IGF2R: variants seen among roughly 807,000 people sequenced by gnomAD.
IGF2R encodes the protein insulin like growth factor 2 receptor.
IGF2R carries 91 observed loss-of-function variants against 270.6 expected under a neutral mutation model. The ratio of observed to expected loss-of-function variants is 0.34; its 90% confidence interval spans 0.28 to 0.40. IGF2R has a LOEUF of 0.40. Among genes scored for constraint, IGF2R ranks in the 10% least tolerant of loss-of-function variants. IGF2R has a pLI of 1.00. For missense variants in IGF2R, 2,805 were observed against 3,188.3 expected, an observed-to-expected ratio of 0.88 and a Z score of 2.90; for synonymous variants, 1,316 against 1,258.9, an observed-to-expected ratio of 1.05 and a Z score of -0.96.
At chr6:160,013,876 T>C (rs1189412770) in intron 4 of IGF2R, among the ~76,000 whole-genome samples, 1 of 152,218 alleles carries the variant, frequency 6.6e-6, no homozygotes, top group East Asian at 1.9e-4. Context: ...TGATTACACC[T>C]TACAGGCTTG....
chr6:160,047,844 C>A lies in IGF2R; in HGVS notation c.2282C>A (p.Pro761Gln), dbSNP rs201251256. The A allele has an allele frequency of 6.2e-7, 1 of 1,614,168 alleles. No individual in the cohort carries two copies. Among genetic ancestry groups the A allele is most frequent in the Non-Finnish European group, 8.5e-7 (1 of 1,179,990 alleles). The change falls in exon 17 of 48, where the codon CCG (proline) becomes CAG (glutamine). Residue 761 changes from proline to glutamine, a missense_variant. By Grantham distance (76) the Pro-to-Gln change is moderately conservative. Coordinates refer to ENST00000356956, the MANE Select transcript of IGF2R (RefSeq NM_000876.4). The part of the protein sequence containing the change: ...NFRWYTSYAC[P>Q]EEPLECVVTD... Reference sequence around the variant, plus strand: ...CGGTGGTACACCAGCTATGCCTGCCCGGAGGAGCCCCTGGAATGCGTAGTG... The same window carrying A: ...CGGTGGTACACCAGCTATGCCTGCCAGGAGGAGCCCCTGGAATGCGTAGTG...
At chr6:159,983,341 A>G (rs1783834350) in intron 1 of IGF2R, among the ~76,000 whole-genome samples, 1 of 152,174 alleles carries the variant, frequency 6.6e-6, no homozygotes, top group African/African-American at 2.4e-5. Context: ...CTAATTGGTA[A>G]TCTGCCAACA....
intron 17 of IGF2R, 102 bp downstream of exon 17, chr6:160,048,009 T>A: frequency 1.2e-6 from 1 of 816,080 alleles, no homozygotes; most frequent in Non-Finnish European, 2.1e-6. Flanking sequence ...GGAGTGATGC[T>A]GGCTGTGGGG....
intron 36 of IGF2R, 78 bp from the exon 37 acceptor site, chr6:160,078,123 C>G: frequency 6.9e-7 from 1 of 1,454,176 alleles, no homozygotes; most frequent in Non-Finnish European, 9.5e-7. Flanking sequence ...TGCACAGCCC[C>G]TGTAGGGACG....
intron 41 of IGF2R, among the ~76,000 whole-genome samples, chr6:160,085,481 T>C (rs1055361755): frequency 6.6e-6 from 1 of 152,204 alleles, no homozygotes; most frequent in African/African-American, 2.4e-5. Context: ...CGTGTTTGTT[T>C]AGGAAAGCCA....
intron 2 of IGF2R, among the ~76,000 whole-genome samples, chr6:159,994,126 T>A (rs1012177212): frequency 1.3e-5 from 2 of 151,402 alleles, no homozygotes; most frequent in African/African-American, 2.4e-5. Flanking sequence ...ACTGATTCAA[T>A]CTCACTCCTT....
At chr6:160,068,468 G>T in intron 30 of IGF2R, 83 bp downstream of exon 30, 4 of 1,570,810 alleles carry the variant, frequency 2.5e-6, no homozygotes, top group Middle Eastern at 2.4e-4. Context: ...CTCCTCGTGG[G>T]GTGGTGGTTG....
chr6:160,025,635 C>T (rs1353284031), intron 5 of IGF2R, among the ~76,000 whole-genome samples: 2 of 152,056 alleles, frequency 1.3e-5, no homozygotes, highest in East Asian at 3.9e-4. Context: ...AAATATACCC[C>T]ATTCAGGGCT....
In IGF2R at chr6:160,089,088, TG is replaced by T. The variant is rs1562374891; in HGVS notation, c.6321-18del. The T allele has an allele frequency of 6.2e-7, 1 of 1,608,558 alleles. No individual in the cohort carries two copies. The highest frequency in any genetic ancestry group is 2.2e-5 in the East Asian group (1 of 44,696). On this transcript the variant is annotated intron_variant, in intron 42 of 47. Transcript: ENST00000356956. ...TCTGGCTGGGGAAGTGACTGTAGCCTGTGCTTCCCTCCTCCTAGGTTTGATA... is the reference window on the plus strand; with the variant it reads ...TCTGGCTGGGGAAGTGACTGTAGCCTTGCTTCCCTCCTCCTAGGTTTGATA...
intron 1 of IGF2R, among the ~76,000 whole-genome samples, chr6:159,970,634 T>C (rs1393295043): frequency 6.6e-6 from 1 of 152,174 alleles, no homozygotes; most frequent in Non-Finnish European, 1.5e-5. Flanking sequence ...TTTGTGACAC[T>C]AGTTTAAAGA....
chr6:160,039,044 C>T (rs190005388), intron 10 of IGF2R, among the ~76,000 whole-genome samples: 8 of 152,228 alleles, frequency 5.3e-5, no homozygotes, highest in Admixed American at 5.2e-4. Flanking sequence ...TTTTGAGGAT[C>T]AAATACATTA....
In IGF2R at chr6:160,108,447, A is replaced by G. The variant is rs915055599; in HGVS notation, c.*3363A>G. 1.6e-4 allele frequency: 24 copies of G among 152,264 alleles called. No homozygotes were observed. Among genetic ancestry groups the G allele is most frequent in the Non-Finnish European group, 3.1e-4 (21 of 68,100 alleles). The allele number at this position is 152,264 out of a possible 1,614,324, so 9.4% of individuals were successfully genotyped here. On this transcript the variant is annotated 3_prime_UTR_variant, in exon 48 of 48. Transcript: ENST00000356956. ...CAGTTGAGAGCTGTAGGAGGGCCAG[A>G]TTGGGCTTTTGAGCAAGATAGTCTA...
rs1321276724 is a variant in IGF2R at position 160,065,776 on chromosome 6, ATGTGTATGTGTGTG to A, written c.4115+881_4115+894del. ...CACATAAAGCATTTTTCCTAGAGATATGTGTATGTGTGTGTGTGTGTGTGTGTGTGTGTGTGTGT... is the reference window on the plus strand; with the variant it reads ...CACATAAAGCATTTTTCCTAGAGATATGTGTGTGTGTGTGTGTGTGTGTGT... On this transcript the variant is annotated intron_variant, in intron 29 of 47. Transcript: ENST00000356956. Among the ~76,000 whole-genome samples the A allele has an allele frequency of 5.5e-5, 6 of 110,016 alleles. 1 individual carries two copies. Among genetic ancestry groups the A allele is most frequent in the Non-Finnish European group, 5.3e-5 (3 of 56,756 alleles). The allele number at this position is 110,016 out of a possible 152,430, so 72.2% of individuals were successfully genotyped here.
At chr6:160,094,078 C>T (rs899114187) in intron 44 of IGF2R, 1 of 516,930 alleles carries the variant, frequency 1.9e-6, no homozygotes, top group African/African-American at 1.9e-5. Flanking sequence ...AGCCCTACCT[C>T]CACCCCATCA....
rs1349476230 is a variant in IGF2R at position 160,047,326 on chromosome 6, C to T, written c.2219C>T (p.Pro740Leu). ...LCDRDAGVGF[P>L]EYQEEDNSTY... ...GATCGAGACGCGGGAGTGGGCTTCCCTGAATATCAGGTAGGAATGTTTGTT... is the reference window on the plus strand; with the variant it reads ...GATCGAGACGCGGGAGTGGGCTTCCTTGAATATCAGGTAGGAATGTTTGTT... Residue 740 changes from proline (P) to leucine (L), a missense_variant, in exon 16 of 48, where the codon CCT becomes CTT. Pro to Leu is a moderately conservative substitution (Grantham distance 98). Transcript: ENST00000356956. 6.3e-7 allele frequency: 1 copy of T among 1,592,300 alleles called. No homozygotes were observed. The highest frequency in any genetic ancestry group is 8.5e-7 in the Non-Finnish European group (1 of 1,171,158).
At chr6:160,064,255 G>A (rs1778506827) in intron 27 of IGF2R, 146 bp from the exon 28 acceptor site, 1 of 903,758 alleles carries the variant, frequency 1.1e-6, no homozygotes, top group African/African-American at 1.7e-5. Flanking sequence ...AAAGTGTAAT[G>A]TGACAGGAGT....
At chr6:160,054,136 G>A (rs958661354) in intron 19 of IGF2R, among the ~76,000 whole-genome samples, 1 of 152,210 alleles carries the variant, frequency 6.6e-6, no homozygotes, top group Non-Finnish European at 1.5e-5. Context: ...CCTCAGGCCA[G>A]AAGCCAGAAA....
At chr6:160,020,489 C>G (rs1257360864) in intron 4 of IGF2R, among the ~76,000 whole-genome samples, 1 of 152,130 alleles carries the variant, frequency 6.6e-6, no homozygotes, top group Non-Finnish European at 1.5e-5. Context: ...AATAGCCAAA[C>G]CAATCTTAAG....
rs1346825724 is a variant in IGF2R, at chr6:160,084,830, T to C, written c.6069-165T>C. Among the ~76,000 whole-genome samples, 2 of 143,684 alleles carry C rather than the reference T, an allele frequency of 1.4e-5. No homozygotes were observed. Among genetic ancestry groups the C allele is most frequent in the African/African-American group, 2.6e-5 (1 of 38,916 alleles). The allele number at this position is 143,684 out of a possible 152,430, so 94.3% of individuals were successfully genotyped here. ...TCTTCAGTGAAGACTTCTTTTGCCCTTTTTTTTTTTAATTGGAAAAGCTAT... is the reference window on the plus strand; with the variant it reads ...TCTTCAGTGAAGACTTCTTTTGCCCCTTTTTTTTTTAATTGGAAAAGCTAT... On this transcript the variant is annotated intron_variant, in intron 40 of 47. Transcript: ENST00000356956. The surrounding 1 kb of genome is among the most constrained non-coding windows in gnomAD (Gnocchi z 4.6).
Sources: allele counts gnomAD v4.1 joint callset (sites outside exome capture counted in the v4.1 genomes callset), GRCh38; gene constraint gnomAD v4.1.1; non-coding constraint Gnocchi (gnomAD v3.1); transcripts MANE v1.5; gene names NCBI Gene and HGNC (gene_info 2026-07-23, HGNC 2026-07-21).